FGFR2: variants seen among roughly 807,000 people sequenced by gnomAD.
The protein encoded by FGFR2 is BEK fibroblast growth factor receptor.
Under a neutral mutation model 95.9 loss-of-function variants are expected in FGFR2, and 19 were observed. That is an observed-to-expected ratio of 0.20 (90% CI 0.14 to 0.29). FGFR2 has a LOEUF of 0.29. FGFR2 is among the 10% of genes least tolerant of loss of function. The pLI, the probability that FGFR2 is intolerant of heterozygous loss-of-function variation, is 1.00. For synonymous variants in FGFR2, 392 were observed against 393.3 expected, an observed-to-expected ratio of 1.00 and a Z score of 0.04; for missense variants, 707 against 1,056.9, an observed-to-expected ratio of 0.67 and a Z score of 4.59.
chr10:121,496,146 G>T (rs1167835580), intron 13 of FGFR2, among the ~76,000 whole-genome samples: 1 of 150,060 alleles, frequency 6.7e-6, no homozygotes, highest in Non-Finnish European at 1.5e-5. Flanking sequence ...TAAAGTCTAT[G>T]TTCAAAAACT....
chr10:121,490,563 G>C (rs1846002282), intron 13 of FGFR2, among the ~76,000 whole-genome samples: 1 of 152,000 alleles, frequency 6.6e-6, no homozygotes, highest in Non-Finnish European at 1.5e-5. Context: ...AGGTAATTAG[G>C]GTCTCCAATC....
Position 121,479,118 on chromosome 10 carries a change from A to T in FGFR2, c.*739T>A. On this transcript the variant is annotated 3_prime_UTR_variant, in exon 18 of 18. Coordinates refer to ENST00000358487, the MANE Select transcript of FGFR2 (RefSeq NM_000141.5). ...ATTGTAAATATTCTCTTTTCAAAGGATCTGATAACTAGTTAAGTCCAAGCA... is the reference window on the plus strand; with the variant it reads ...ATTGTAAATATTCTCTTTTCAAAGGTTCTGATAACTAGTTAAGTCCAAGCA... 1 of 232,872 alleles carries T rather than the reference A, an allele frequency of 4.3e-6. No homozygotes were observed. The highest frequency in any genetic ancestry group is 8.5e-6 in the Non-Finnish European group (1 of 117,592). The allele number at this position is 232,872 out of a possible 1,614,324, so 14.4% of individuals were successfully genotyped here. A position where few individuals can be genotyped will look rare whatever the true frequency, so the allele number is the denominator to read the frequency against.
At chr10:121,539,639 C>T (rs1853395458) in intron 5 of FGFR2, among the ~76,000 whole-genome samples, 2 of 152,290 alleles carry the variant, frequency 1.3e-5, no homozygotes, top group Non-Finnish European at 2.9e-5. Context: ...TCATTCTCTA[C>T]AGGTGTTTTG....
At position 121,488,022 on chromosome 10, in the gene FGFR2, T is replaced by C; in HGVS notation, c.1955A>G (p.Asn652Ser). ...IADFGLARDI[N>S]NIDYYKKTTN... Reference sequence around the variant, plus strand: ...GGTCTTTTTGTAATAGTCTATATTGTTGATATCTCTGGCGAGTCCAAAGTC... The same window carrying C: ...GGTCTTTTTGTAATAGTCTATATTGCTGATATCTCTGGCGAGTCCAAAGTC... Residue 652 changes from asparagine (N) to serine (S), a missense_variant, in exon 14 of 18, where the codon AAC becomes AGC. This residue lies in a region of FGFR2 where 104 missense variants were observed against 214.2 expected (regional missense o/e 0.49). Coordinates refer to ENST00000358487, the MANE Select transcript of FGFR2 (RefSeq NM_000141.5). 2 of 1,614,206 alleles carry C rather than the reference T, an allele frequency of 1.2e-6. No individual in the cohort carries two copies. Among genetic ancestry groups the C allele is most frequent in the Non-Finnish European group, 8.5e-7 (1 of 1,180,028 alleles).
chr10:121,568,890 T>C (rs1327851012), intron 2 of FGFR2, among the ~76,000 whole-genome samples: 2 of 152,086 alleles, frequency 1.3e-5, no homozygotes, highest in Non-Finnish European at 2.9e-5. Context: ...GAGCTGGACA[T>C]GGGAGATGCC....
intron 9 of FGFR2, among the ~76,000 whole-genome samples, chr10:121,509,436 T>TTTCTTTTTA (rs1848739510): frequency 6.7e-6 from 1 of 150,270 alleles, no homozygotes; most frequent in African/African-American, 2.4e-5. Context: ...TTTTTTTTCC[T>TTTCTTTTTA]TTCTTTTTAA....
chr10:121,496,794 T>G (rs1846886346), intron 12 of FGFR2, 72 bp from the exon 13 acceptor site: 1 of 1,396,218 alleles, frequency 7.2e-7, no homozygotes, highest in South Asian at 1.2e-5. Flanking sequence ...AGCAAAACAT[T>G]TTTAGTTATT....
intron 10 of FGFR2, among the ~76,000 whole-genome samples, 166 bp downstream of exon 10, chr10:121,503,624 T>G (rs1847889490): frequency 6.6e-6 from 1 of 152,094 alleles, no homozygotes; most frequent in South Asian, 2.1e-4. Flanking sequence ...TTAAATCCAT[T>G]TTTTTCTTTT....
At chr10:121,586,043 C>T (rs1003444873) in intron 2 of FGFR2, among the ~76,000 whole-genome samples, 1 of 152,196 alleles carries the variant, frequency 6.6e-6, no homozygotes, top group Admixed American at 6.5e-5. Flanking sequence ...CCCCTGAGCA[C>T]ATACACACAC....
intron 6 of FGFR2, among the ~76,000 whole-genome samples, chr10:121,523,190 C>G (rs1220056685): frequency 6.6e-6 from 1 of 152,184 alleles, no homozygotes; most frequent in Non-Finnish European, 1.5e-5. Flanking sequence ...ACTGGAGCCG[C>G]AAAGAAATCA....
intron 2 of FGFR2, among the ~76,000 whole-genome samples, chr10:121,591,371 T>A (rs995888570): frequency 6.6e-6 from 1 of 152,226 alleles, no homozygotes; most frequent in Non-Finnish European, 1.5e-5. Flanking sequence ...AAGACCCATG[T>A]TCCCAGCTCC....
At chr10:121,581,316 C>T (rs966757930) in intron 2 of FGFR2, among the ~76,000 whole-genome samples, 1 of 152,170 alleles carries the variant, frequency 6.6e-6, no homozygotes, top group Non-Finnish European at 1.5e-5. Context: ...AGCAGAGAGG[C>T]TAGGCCCTGG....
At chr10:121,575,473 C>T (rs1207880336) in intron 2 of FGFR2, among the ~76,000 whole-genome samples, 5 of 152,310 alleles carry the variant, frequency 3.3e-5, no homozygotes, top group Middle Eastern at 3.4e-3. Context: ...TGAAAAATTC[C>T]TGATGGACCA....
intron 13 of FGFR2, 124 bp from the exon 14 acceptor site, chr10:121,488,237 T>C (rs1305318049): frequency 7.4e-7 from 1 of 1,344,766 alleles, no homozygotes; most frequent in Non-Finnish European, 1.0e-6. Context: ...CCAGTTGCGG[T>C]ATACTATAAG....
At chr10:121,564,660 C>A in intron 3 of FGFR2, 81 bp from the exon 4 acceptor site, 4 of 1,290,032 alleles carry the variant, frequency 3.1e-6, no homozygotes, top group South Asian at 1.2e-5. Flanking sequence ...GAGACCTTCT[C>A]CATAGCAAAG....
intron 9 of FGFR2, among the ~76,000 whole-genome samples, chr10:121,513,051 G>T (rs1849262697): frequency 6.6e-6 from 1 of 152,034 alleles, no homozygotes; most frequent in Admixed American, 6.5e-5. Flanking sequence ...TGTACTTTTA[G>T]TAGAGACGAG....
intron 6 of FGFR2, among the ~76,000 whole-genome samples, chr10:121,521,914 G>C (rs1170151199): frequency 1.3e-5 from 2 of 152,150 alleles, no homozygotes; most frequent in African/African-American, 2.4e-5. Flanking sequence ...TCTGCCAAAG[G>C]ATTAATTTTT....
In FGFR2 at chr10:121,542,258, G is replaced by C. The variant is rs371635079; in HGVS notation, c.625-3543C>G. Among the ~76,000 whole-genome samples the C allele has an allele frequency of 2.8e-4, 42 of 152,222 alleles. No individual in the cohort carries two copies. The South Asian group carries it at 8.3e-3, about 30-fold the overall frequency. On this transcript the variant is annotated intron_variant, in intron 5 of 17. Transcript: ENST00000358487. ...AAGTATAAGCCTGACTATAAACACA[G>C]CTAAAATCAGAAAGAAAATATACCA...
intron 2 of FGFR2, among the ~76,000 whole-genome samples, chr10:121,570,254 A>G (rs1858429612): frequency 6.6e-6 from 1 of 152,228 alleles, no homozygotes; most frequent in Admixed American, 6.5e-5. Context: ...TGAATGCTGC[A>G]GGTGACCTGA....
Sources: gnomAD v4.1 joint callset for allele counts (sites outside exome capture counted in the v4.1 genomes callset) on GRCh38, gnomAD v4.1.1 for gene constraint, gnomAD v4.1.1 regional missense constraint, MANE v1.5 for transcripts, NCBI Gene and HGNC (gene_info 2026-07-23, HGNC 2026-07-21) for gene names.